SCML4: variants seen among roughly 807,000 people sequenced by gnomAD.
SCML4 encodes Scm polycomb group protein like 4.
Under a neutral mutation model 41.1 loss-of-function variants are expected in SCML4, and 34 were observed. The observed-to-expected ratio is 0.83, with a 90% CI of 0.63 to 1.10. The LOEUF is 1.10. Among genes scored for constraint, SCML4 ranks in the 50% least tolerant of loss-of-function variants. The pLI is 0.00. For missense variants in SCML4, 522 were observed against 534.1 expected (o/e 0.98, Z 0.22); for synonymous variants, 214 against 220.9 (o/e 0.97, Z 0.28).
intron 6 of SCML4, among the ~76,000 whole-genome samples, chr6:107,712,606 C>A (rs1409936163): frequency 1.3e-5 from 2 of 152,086 alleles, no homozygotes; most frequent in Non-Finnish European, 2.9e-5. Context: ...TCTTAGGGGG[C>A]CTTTTAGTCA....
At chr6:107,717,283 T>A (rs1429564993) in intron 6 of SCML4, among the ~76,000 whole-genome samples, 12 of 122,144 alleles carry the variant, frequency 9.8e-5, no homozygotes, top group Non-Finnish European at 2.0e-4. Context: ...AGAGCGAGAC[T>A]CTGTCTCAAA....
At chr6:107,780,018 C>T (rs957283822) in intron 1 of SCML4, among the ~76,000 whole-genome samples, 1 of 152,148 alleles carries the variant, frequency 6.6e-6, no homozygotes, top group African/African-American at 2.4e-5. Flanking sequence ...GGCCAGGGGC[C>T]GTGTTTCACA....
chr6:107,839,150 G>A, the SCML4 span, among the ~76,000 whole-genome samples: 6 of 151,954 alleles, frequency 3.9e-5, no homozygotes, highest in South Asian at 4.2e-4. Context: ...AAAATGAGCC[G>A]GGCATGGTGA....
chr6:107,743,594 T>A (rs573226187), intron 5 of SCML4, among the ~76,000 whole-genome samples: 57 of 152,354 alleles, frequency 3.7e-4, no homozygotes, highest in African/African-American at 1.3e-3. Context: ...TATCAGCAAC[T>A]CCAACCTGTC....
chr6:107,780,676 C>G (rs1337087113), intron 1 of SCML4, among the ~76,000 whole-genome samples: 1 of 151,768 alleles, frequency 6.6e-6, no homozygotes, highest in East Asian at 1.9e-4. Flanking sequence ...CACTGCACTC[C>G]AGCCTAGGCG....
At chr6:107,720,596 A>G in intron 6 of SCML4, 107 bp downstream of exon 6, 2 of 1,445,936 alleles carry the variant, frequency 1.4e-6, no homozygotes, top group Non-Finnish European at 1.8e-6. Context: ...ATCTCCCAGC[A>G]GTCCCACGTT....
At chr6:107,817,338 C>A (rs1478828456) in intron 1 of SCML4, among the ~76,000 whole-genome samples, 1 of 152,152 alleles carries the variant, frequency 6.6e-6, no homozygotes, top group Non-Finnish European at 1.5e-5. Context: ...TTTTTCTAGG[C>A]CAGGTGCAAT....
At chr6:107,729,216 AC>A (rs1375671524) in intron 5 of SCML4, among the ~76,000 whole-genome samples, 6 of 152,202 alleles carry the variant, frequency 3.9e-5, no homozygotes, top group African/African-American at 1.4e-4. Flanking sequence ...TCTGGAGCCT[AC>A]CAGTCTGAAA....
Position 107,720,738 on chromosome 6 carries a change from T to C in SCML4, c.938A>G (p.Lys313Arg). 1 of 1,584,588 alleles carries C rather than the reference T, an allele frequency of 6.3e-7. No individual in the cohort carries two copies. Among genetic ancestry groups the C allele is most frequent in the South Asian group, 1.1e-5 (1 of 87,024 alleles). The change falls in exon 6 of 8, where the codon AAG (lysine) becomes AGG (arginine). Residue 313 changes from lysine to arginine, a missense_variant. Physicochemically the swap from Lys to Arg is conservative, Grantham distance 26 (BLOSUM62 2). Coordinates refer to ENST00000369020, the MANE Select transcript of SCML4 (RefSeq NM_198081.5). ...TCCTTCAAGAGAGGTCGTGTTTCTC[T>C]TGGGGCTGGAGGCTGGAGGCCTCAG... ...PGLRPPASSP[K>R]RNTTSLEGNR...
intron 5 of SCML4, among the ~76,000 whole-genome samples, chr6:107,732,838 G>A (rs1353944738): frequency 6.6e-6 from 1 of 152,106 alleles, no homozygotes; most frequent in Non-Finnish European, 1.5e-5. Context: ...AGAACCTTGG[G>A]GAAATTAAAA....
chr6:107,743,075 T>G (rs1249364051), intron 5 of SCML4, among the ~76,000 whole-genome samples: 4 of 152,232 alleles, frequency 2.6e-5, no homozygotes, highest in Admixed American at 6.5e-5. Flanking sequence ...GTTTTTTCAT[T>G]TTTTCCTTGT....
At chr6:107,721,764 C>T (rs1484672362) in intron 5 of SCML4, among the ~76,000 whole-genome samples, 1 of 152,098 alleles carries the variant, frequency 6.6e-6, no homozygotes, top group Non-Finnish European at 1.5e-5. Context: ...TGCTTTCTCC[C>T]CACACCTTTA....
At chr6:107,804,067 G>GAAAAA (rs55853946) in intron 1 of SCML4, among the ~76,000 whole-genome samples, 9 of 127,340 alleles carry the variant, frequency 7.1e-5, no homozygotes, top group East Asian at 2.2e-4. Context: ...AAAAGAAAAA[G>GAAAAA]AAAAAAAAAA....
intron 2 of SCML4, among the ~76,000 whole-genome samples, chr6:107,759,382 C>A (rs1267248095): frequency 2.4e-5 from 3 of 125,346 alleles, no homozygotes; most frequent in Non-Finnish European, 5.0e-5. Flanking sequence ...TGCTGTTAGG[C>A]AGAATGGATG....
chr6:107,806,195 C>CTG (rs72561581), intron 1 of SCML4, among the ~76,000 whole-genome samples: 1 of 151,462 alleles, frequency 6.6e-6, no homozygotes, highest in Non-Finnish European at 1.5e-5. Context: ...TTCCCCCCCC[C>CTG]CAATAAACAA....
At position 107,720,847 on chromosome 6, in the gene SCML4, T is replaced by G. The variant is rs1226820437; in HGVS notation, c.829A>C (p.Ser277Arg). 1 of 1,614,130 alleles carries G rather than the reference T, an allele frequency of 6.2e-7. No individual in the cohort carries two copies. The highest frequency in any genetic ancestry group is 8.5e-7 in the Non-Finnish European group (1 of 1,179,988). The change falls in exon 6 of 8, where the codon AGC (serine) becomes CGC (arginine). Residue 277 changes from serine (S) to arginine (R), a missense_variant. Transcript: ENST00000369020. ...GCAGCAGGACCACCCCCAAGGTGGC[T>G]GTCTCCAGAGTTCTGCCTCTTGCAG... ...LYCKRQNSGD[S>R]HLGGGPAATA...
At chr6:107,810,656 A>G (rs180685945) in intron 1 of SCML4, among the ~76,000 whole-genome samples, 9 of 152,260 alleles carry the variant, frequency 5.9e-5, no homozygotes, top group African/African-American at 1.7e-4. Context: ...CCATTATGAA[A>G]CATATTTACC....
chr6:107,745,560 C>T (rs979109225), intron 4 of SCML4: 1 of 154,612 alleles, frequency 6.5e-6, no homozygotes, highest in African/African-American at 2.4e-5. Flanking sequence ...GGAGGAGTGC[C>T]GTGACCATGG....
chr6:107,792,111 C>T (rs77663728), intron 1 of SCML4, among the ~76,000 whole-genome samples: 6 of 152,142 alleles, frequency 3.9e-5, no homozygotes, highest in Admixed American at 6.5e-5. Flanking sequence ...TAAAATTTCC[C>T]GAGATTATTT....
Sources: gnomAD v4.1 joint callset for allele counts (sites outside exome capture counted in the v4.1 genomes callset) on GRCh38, gnomAD v4.1.1 for gene constraint, MANE v1.5 for transcripts, NCBI Gene and HGNC (gene_info 2026-07-23, HGNC 2026-07-21) for gene names.